The following WFDC3 variants were observed in gnomAD, a reference collection of about 807,000 sequenced individuals.
The protein encoded by WFDC3 is WAP four-disulfide core domain protein 3.
In WFDC3, 15 loss-of-function variants were observed where a neutral mutation model predicts 25.8. The ratio of observed to expected loss-of-function variants is 0.58; its 90% CI spans 0.39 to 0.89. The LOEUF is 0.89. Among genes scored for constraint, WFDC3 ranks in the 40% least tolerant of loss-of-function variants. The probability of loss-of-function intolerance (pLI) is 0.00; values close to 1 mark genes in which losing one functional copy is unlikely to be tolerated. For missense variants in WFDC3, 264 were observed against 289.8 expected, an observed-to-expected ratio of 0.91 and a Z score of 0.65; for synonymous variants, 103 against 107.1, an observed-to-expected ratio of 0.96 and a Z score of 0.24.
Position 45,788,956 on chromosome 20 carries a change from A to C in WFDC3, c.186T>G (p.Gly62=). 1.2e-6 allele frequency: 2 copies of C among 1,613,078 alleles called. No individual in the cohort carries two copies. The highest frequency in any genetic ancestry group is 1.7e-6 in the Non-Finnish European group (2 of 1,179,696). ...AEQKCCTTGC[G]RICRDIPKGR... ...CCTTAGGAATGTCTCGGCAGATCCG[A>C]CCACAGCCTGTGGTGCAGCACTTCT... Residue 62 remains glycine, a synonymous_variant, in exon 3 of 7, where the codon GGT becomes GGG. Transcript: ENST00000243938.
chr20:45,787,405 T>C (rs1371312918), intron 4 of WFDC3, among the ~76,000 whole-genome samples: 6 of 149,220 alleles, frequency 4.0e-5, no homozygotes, highest in Non-Finnish European at 3.0e-5. Context: ...ATTCTCCTGC[T>C]TCAGCCTCCT....
chr20:45,785,991 C>T (rs1441137838), intron 4 of WFDC3, among the ~76,000 whole-genome samples: 1 of 152,156 alleles, frequency 6.6e-6, no homozygotes, highest in African/African-American at 2.4e-5. Flanking sequence ...TCTGTGTGTG[C>T]TTCTCTCTCT....
intron 5 of WFDC3, among the ~76,000 whole-genome samples, chr20:45,776,276 C>CTGTGTGTGTGTGTG (rs1182115340): frequency 1.5e-5 from 1 of 68,384 alleles, no homozygotes; most frequent in Non-Finnish European, 3.5e-5. Context: ...ATGCTTTTAT[C>CTGTGTGTGTGTGTG]TCTGTGTGTG....
chr20:45,780,691 A>G (rs1980403133), intron 4 of WFDC3, among the ~76,000 whole-genome samples: 1 of 152,168 alleles, frequency 6.6e-6, no homozygotes, highest in Admixed American at 6.5e-5. Context: ...AGCCCAGGAA[A>G]TACTCACTCA....
chr20:45,782,724 C>T (rs1268749393), intron 4 of WFDC3, among the ~76,000 whole-genome samples: 4 of 152,270 alleles, frequency 2.6e-5, no homozygotes, highest in South Asian at 4.1e-4. Context: ...GTCTAAGCCC[C>T]GATCATCTCT....
chr20:45,776,925 G>C, intron 5 of WFDC3, 150 bp downstream of exon 5: 1 of 1,246,022 alleles, frequency 8.0e-7, no homozygotes, highest in Non-Finnish European at 1.1e-6. Context: ...AATGTCGACA[G>C]GGCCCCTCGG....
At chr20:45,775,104 C>T (rs932654595) in intron 6 of WFDC3, among the ~76,000 whole-genome samples, 3 of 152,086 alleles carry the variant, frequency 2.0e-5, no homozygotes, top group Non-Finnish European at 2.9e-5. Context: ...CTCCCTTTGT[C>T]GCATCTGCCT....
intron 3 of WFDC3, 94 bp downstream of exon 3, chr20:45,788,837 A>C (rs1050136519): frequency 2.0e-6 from 3 of 1,494,562 alleles, no homozygotes; most frequent in Non-Finnish European, 2.7e-6. Flanking sequence ...AGACTTCCAG[A>C]GGCAACCTAG....
rs1555812707 is a variant in WFDC3 at position 45,776,278 on chromosome 20, C to CTCTGTGTGTG, written c.494-677_494-676insCACACACAGA. ...CATTGGAACAGGAATGCTTTTATCT[C>CTCTGTGTGTG]TGTGTGTGTGTGTGTGTGTGTGTGT... On this transcript the variant is annotated intron_variant, in intron 5 of 6. Coordinates refer to ENST00000243938, the MANE Select transcript of WFDC3 (RefSeq NM_080614.2). Among the ~76,000 whole-genome samples, 10 of 102,038 alleles carry CTCTGTGTGTG rather than the reference C, an allele frequency of 9.8e-5. No homozygotes were observed. In the East Asian group the frequency reaches 1.7e-3, roughly 17 times the overall value. 66.9% of individuals were successfully genotyped at this position (102,038 alleles called of 152,430 possible).
At position 45,788,926 on chromosome 20, in the gene WFDC3, C is replaced by T; in HGVS notation, c.211+5G>A. 1 of 1,607,306 alleles carries T rather than the reference C, an allele frequency of 6.2e-7. No homozygotes were observed. On this transcript the variant is annotated splice_donor_5th_base_variant and intron_variant, in intron 3 of 6. Coordinates refer to ENST00000243938, the MANE Select transcript of WFDC3 (RefSeq NM_080614.2). Reference sequence around the variant, plus strand: ...GCCCAGATTTTGCCCCTCATGCCAACATACCCTTAGGAATGTCTCGGCAGA... The same window carrying T: ...GCCCAGATTTTGCCCCTCATGCCAATATACCCTTAGGAATGTCTCGGCAGA...
intron 4 of WFDC3, among the ~76,000 whole-genome samples, chr20:45,780,063 CTTTTTTTTTTT>C (rs3080097): frequency 1.1e-5 from 1 of 88,584 alleles, no homozygotes; most frequent in East Asian, 3.1e-4. Context: ...GCCTTTATAC[CTTTTTTTTTTT>C]TTTTTTTTTT....
At chr20:45,781,381 T>C (rs1353091221) in intron 4 of WFDC3, among the ~76,000 whole-genome samples, 1 of 152,160 alleles carries the variant, frequency 6.6e-6, no homozygotes, top group Non-Finnish European at 1.5e-5. Flanking sequence ...CAGTGGTAGA[T>C]AGTTTTAGAG....
chr20:45,790,921 C>G (rs1042304298), intron 1 of WFDC3: 2 of 471,018 alleles, frequency 4.2e-6, no homozygotes, highest in East Asian at 1.4e-4. Flanking sequence ...ATAGTCTGCC[C>G]ACATATACCT....
intron 4 of WFDC3, 22 bp downstream of exon 4, chr20:45,787,814 G>A: frequency 6.2e-7 from 1 of 1,606,218 alleles, no homozygotes; most frequent in Non-Finnish European, 8.5e-7. Context: ...AGACCATGAG[G>A]TGTGGGGACA....
chr20:45,786,772 C>T (rs573290393), intron 4 of WFDC3, among the ~76,000 whole-genome samples: 3 of 152,168 alleles, frequency 2.0e-5, no homozygotes, highest in South Asian at 4.2e-4. Context: ...GAGACAGCCC[C>T]GCCGTGTGTG....
Position 45,791,831 on chromosome 20 carries a change from C to T in WFDC3, c.-8+1G>A, listed in dbSNP as rs1428029413. On this transcript the variant is annotated splice_donor_variant, in intron 1 of 6. Transcript: ENST00000243938. LOFTEE classifies it low-confidence loss of function (5UTR_SPLICE). ...AGGAAGCCCCAACGACCTCCACCTA[C>T]AAGGCCTCTAAGTGTAACTGTCCTG... The T allele has an allele frequency of 2.1e-5, 9 of 418,864 alleles. No individual in the cohort carries two copies. The highest frequency in any genetic ancestry group is 4.1e-5 in the African/African-American group (2 of 48,900). 25.9% of individuals were successfully genotyped at this position (418,864 alleles called of 1,614,324 possible). A position where few individuals can be genotyped will look rare whatever the true frequency, so the allele number is the denominator to read the frequency against.
At position 45,787,960 on chromosome 20, in the gene WFDC3, C is replaced by A; in HGVS notation, c.234G>T (p.Arg78Ser). Residue 78 changes from arginine to serine, a missense_variant, in exon 4 of 7, where the codon AGG becomes AGT. Physicochemically the swap from Arg to Ser is moderately radical, Grantham distance 110. Coordinates refer to ENST00000243938, the MANE Select transcript of WFDC3 (RefSeq NM_080614.2). Reference sequence around the variant, plus strand: ...TCAAACAGGATTGTTTCCGAATAACCCTAGGGCAATCTCTTTTCCTCCCTG... The same window carrying A: ...TCAAACAGGATTGTTTCCGAATAACACTAGGGCAATCTCTTTTCCTCCCTG... ...IPKGRKRDCP[R>S]VIRKQSCLKR... The A allele has an allele frequency of 1.2e-6, 2 of 1,613,250 alleles. No homozygotes were observed. Among genetic ancestry groups the A allele is most frequent in the East Asian group, 4.5e-5 (2 of 44,846 alleles).
At position 45,791,864 on chromosome 20, in the gene WFDC3, C is replaced by A; in HGVS notation, c.-40G>T. On this transcript the variant is annotated 5_prime_UTR_variant, in exon 1 of 7. Coordinates refer to ENST00000243938, the MANE Select transcript of WFDC3 (RefSeq NM_080614.2). Reference sequence around the variant, plus strand: ...CTAAGTGTAACTGTCCTGGGCGAGGCGCGGCGGTTCGGTTCCCATGGTAAC... The same window carrying A: ...CTAAGTGTAACTGTCCTGGGCGAGGAGCGGCGGTTCGGTTCCCATGGTAAC... 2 of 513,046 alleles carry A rather than the reference C, an allele frequency of 3.9e-6. No homozygotes were observed. The highest frequency in any genetic ancestry group is 6.0e-6 in the Non-Finnish European group (2 of 331,528). The allele number at this position is 513,046 out of a possible 1,614,324, so 31.8% of individuals were successfully genotyped here.
At chr20:45,789,198 T>A in intron 2 of WFDC3, 139 bp from the exon 3 acceptor site, 2 of 1,112,724 alleles carry the variant, frequency 1.8e-6, no homozygotes, top group Non-Finnish European at 2.4e-6. Context: ...AATGAGACCC[T>A]GTCTCTTAAA....
Sources: gnomAD v4.1 joint callset for allele counts (sites outside exome capture counted in the v4.1 genomes callset) on GRCh38, gnomAD v4.1.1 for gene constraint, MANE v1.5 for transcripts, NCBI Gene and HGNC (gene_info 2026-07-23, HGNC 2026-07-21) for gene names.